Variants in CAMK1D observed in about 807,000 individuals in gnomAD.
The protein encoded by CAMK1D is calcium/calmodulin dependent protein kinase ID, also known as calcium/calmodulin-dependent protein kinase type 1D.
In CAMK1D, 9 loss-of-function variants were observed where a neutral mutation model predicts 47.7. The observed-to-expected ratio is 0.19, with a 90% CI of 0.11 to 0.33. CAMK1D has a LOEUF of 0.33. Among genes scored for constraint, CAMK1D ranks in the 10% least tolerant of loss-of-function variants. CAMK1D has a pLI of 1.00. For missense variants in CAMK1D, 291 were observed against 488.7 expected (o/e 0.60, Z 3.81); for synonymous variants, 184 against 184.9 (o/e 0.99, Z 0.04).
chr10:12,500,975 G>A (rs896925554), intron 1 of CAMK1D, among the ~76,000 whole-genome samples: 2 of 152,176 alleles, frequency 1.3e-5, no homozygotes, highest in Non-Finnish European at 1.5e-5. Context: ...TTACAGATGA[G>A]GAAAGTGAAG....
chr10:12,538,963 G>A (rs958487086), intron 1 of CAMK1D, among the ~76,000 whole-genome samples: 1 of 150,878 alleles, frequency 6.6e-6, no homozygotes, highest in African/African-American at 2.4e-5. Context: ...AACAGGCCTT[G>A]TCTCAAACAA....
chr10:12,550,091 A>T lies in CAMK1D; in HGVS notation c.93-3134A>T, dbSNP rs1249421251. On this transcript the variant is annotated intron_variant, in intron 1 of 10. Coordinates refer to ENST00000619168, the MANE Select transcript of CAMK1D (RefSeq NM_153498.4). ...GGAGCGAGGGGCAGCCCAGGAGGAG[A>T]GGGGCCTGATCGCAGTTCCCAGCCC... Among the ~76,000 whole-genome samples, 8 of 152,110 alleles carry T rather than the reference A, an allele frequency of 5.3e-5. No homozygotes were observed. The East Asian group carries it at 1.5e-3, about 29-fold the overall frequency.
rs537453693 is a variant in CAMK1D at position 12,598,195 on chromosome 10, G to C, written c.224+44839G>C. On this transcript the variant is annotated intron_variant, in intron 2 of 10. Coordinates refer to ENST00000619168, the MANE Select transcript of CAMK1D (RefSeq NM_153498.4). ...AAGCAATAGCAGAACCTGGGTCCCT[G>C]CTGTGAAAATGAAAATACTTAAGGA... is the stretch of plus-strand genomic sequence containing the variant. Among the ~76,000 whole-genome samples, 5 of 152,334 alleles carry C rather than the reference G, an allele frequency of 3.3e-5. No individual in the cohort carries two copies. The East Asian group carries it at 9.6e-4, about 29-fold the overall frequency.
intron 7 of CAMK1D, among the ~76,000 whole-genome samples, chr10:12,815,636 C>A (rs7080879): frequency 0.56 from 85,155 of 152,244 alleles, 26,225 homozygotes; most frequent in South Asian, 0.71. Flanking sequence ...TCAGTTCTGC[C>A]ACCCAGCCCC....
intron 6 of CAMK1D, among the ~76,000 whole-genome samples, chr10:12,805,301 A>G (rs1838677671): frequency 6.6e-6 from 1 of 151,502 alleles, no homozygotes; most frequent in Non-Finnish European, 1.5e-5. Flanking sequence ...TCCTTCAGGG[A>G]CTTATTACCA....
At chr10:12,731,911 G>A (rs968561093) in intron 3 of CAMK1D, among the ~76,000 whole-genome samples, 3 of 152,076 alleles carry the variant, frequency 2.0e-5, no homozygotes, top group Non-Finnish European at 2.9e-5. Flanking sequence ...CCGAATGGAC[G>A]ATGGGGTAGG....
At chr10:12,362,761 C>T (rs921931755) in intron 1 of CAMK1D, among the ~76,000 whole-genome samples, 2 of 152,082 alleles carry the variant, frequency 1.3e-5, no homozygotes, top group Non-Finnish European at 2.9e-5. Context: ...CTGCCCGCCT[C>T]GGCCTCCCAA....
chr10:12,707,922 G>A (rs1833789039), intron 3 of CAMK1D, among the ~76,000 whole-genome samples: 1 of 152,160 alleles, frequency 6.6e-6, no homozygotes, highest in African/African-American at 2.4e-5. Flanking sequence ...TTAGCACAGA[G>A]TGCAGGCCAT....
chr10:12,456,837 G>A (rs1833262499), intron 1 of CAMK1D, among the ~76,000 whole-genome samples: 1 of 150,304 alleles, frequency 6.7e-6, no homozygotes, highest in Admixed American at 6.6e-5. Flanking sequence ...CAACCCTACA[G>A]GAGGGGCATC....
chr10:12,391,318 CTG>C (rs1345788749), intron 1 of CAMK1D, among the ~76,000 whole-genome samples: 1 of 152,054 alleles, frequency 6.6e-6, no homozygotes, highest in African/African-American at 2.4e-5. Flanking sequence ...AGGGGATTGT[CTG>C]TGGGAATTCC....
intron 1 of CAMK1D, among the ~76,000 whole-genome samples, chr10:12,367,731 G>T (rs7900495): frequency 0.023 from 3,487 of 152,148 alleles, 124 homozygotes; most frequent in African/African-American, 0.08. Context: ...CTGACTGAAC[G>T]GGAGGTGGAG....
chr10:12,393,675 C>T (rs765423955), intron 1 of CAMK1D, among the ~76,000 whole-genome samples: 11 of 152,142 alleles, frequency 7.2e-5, no homozygotes, highest in Non-Finnish European at 5.9e-5. Context: ...GACACCCAGC[C>T]CACCTGGGGG....
At chr10:12,601,597 G>T (rs1838304794) in intron 2 of CAMK1D, among the ~76,000 whole-genome samples, 1 of 152,126 alleles carries the variant, frequency 6.6e-6, no homozygotes, top group South Asian at 2.1e-4. Context: ...CTGAGTAGCT[G>T]GGATTACAGG....
intron 6 of CAMK1D, among the ~76,000 whole-genome samples, chr10:12,801,343 ATCT>A (rs1439764277): frequency 4.1e-4 from 48 of 116,742 alleles, no homozygotes; most frequent in Middle Eastern, 4.4e-3. Flanking sequence ...CTATCTATCT[ATCT>A]ATCTATCTTA....
chr10:12,513,242 C>T (rs932922214), intron 1 of CAMK1D, among the ~76,000 whole-genome samples: 1 of 152,200 alleles, frequency 6.6e-6, no homozygotes, highest in African/African-American at 2.4e-5. Flanking sequence ...AGTGAGGACA[C>T]AGCCACCCTG....
At chr10:12,799,445 G>A (rs898698260) in intron 6 of CAMK1D, among the ~76,000 whole-genome samples, 1 of 152,008 alleles carries the variant, frequency 6.6e-6, no homozygotes, top group African/African-American at 2.4e-5. Flanking sequence ...GAGAAGGAAG[G>A]AAGCTAGGGA....
intron 1 of CAMK1D, among the ~76,000 whole-genome samples, chr10:12,377,978 T>A (rs938187373): frequency 1.3e-5 from 2 of 152,230 alleles, no homozygotes; most frequent in Non-Finnish European, 2.9e-5. Flanking sequence ...TGTTGAACAT[T>A]CTAGTTTGAG....
chr10:12,476,597 T>TA (rs1462239004), intron 1 of CAMK1D, among the ~76,000 whole-genome samples: 1 of 152,206 alleles, frequency 6.6e-6, no homozygotes, highest in Non-Finnish European at 1.5e-5. Context: ...AAATTTCTCT[T>TA]ATCATGTCGA....
chr10:12,482,031 C>T lies in CAMK1D; in HGVS notation c.93-71194C>T, dbSNP rs200027095. ...TGATCCATCACATCTTTCTTGCAGGCTGGTGCAGTGTTTACCTCCACTGTA... is the reference window on the plus strand; with the variant it reads ...TGATCCATCACATCTTTCTTGCAGGTTGGTGCAGTGTTTACCTCCACTGTA... On this transcript the variant is annotated intron_variant, in intron 1 of 10. Transcript: ENST00000619168. Among the ~76,000 whole-genome samples the T allele has an allele frequency of 5.3e-5, 8 of 152,318 alleles. No individual in the cohort carries two copies. The East Asian group carries it at 1.5e-3, about 29-fold the overall frequency.
Sources: allele counts gnomAD v4.1 joint callset (sites outside exome capture counted in the v4.1 genomes callset), GRCh38; gene constraint gnomAD v4.1.1; transcripts MANE v1.5; gene names NCBI Gene and HGNC (gene_info 2026-07-23, HGNC 2026-07-21).